DEPDC1B: variants seen among roughly 807,000 people sequenced by gnomAD.
The protein encoded by DEPDC1B is DEP domain containing 1B.
A neutral mutation model predicts 66.5 loss-of-function variants in DEPDC1B; 51 were observed. That is an observed-to-expected ratio of 0.77 (90% CI 0.61 to 0.97). The LOEUF (loss-of-function observed/expected upper bound fraction) is 0.97, where lower values mean the gene tolerates loss of function less well. Among genes scored for constraint, DEPDC1B ranks in the 50% least tolerant of loss-of-function variants. The pLI is 0.00. For synonymous variants in DEPDC1B, 226 were observed against 223.6 expected (o/e 1.01, Z -0.10); for missense variants, 552 against 637.1 (o/e 0.87, Z 1.44).
intron 2 of DEPDC1B, among the ~76,000 whole-genome samples, chr5:60,677,950 T>TA (rs1192543189): frequency 5.3e-5 from 8 of 152,182 alleles, no homozygotes; most frequent in African/African-American, 1.9e-4. Context: ...GTGAGGTATC[T>TA]AAAACGGGTC....
At chr5:60,653,980 CAAT>C (rs1753518508) in intron 2 of DEPDC1B, among the ~76,000 whole-genome samples, 1 of 149,308 alleles carries the variant, frequency 6.7e-6, no homozygotes, top group Non-Finnish European at 1.5e-5. Flanking sequence ...ATTTTCACAG[CAAT>C]ACCATGCTGT....
At chr5:60,677,692 CT>C (rs1754202278) in intron 2 of DEPDC1B, among the ~76,000 whole-genome samples, 1 of 152,054 alleles carries the variant, frequency 6.6e-6, no homozygotes, top group African/African-American at 2.4e-5. Context: ...CATGCCACCA[CT>C]TCACCTAACT....
At chr5:60,667,991 T>TTATATATATATAAAATGGATATTTTA (rs1554054980) in intron 2 of DEPDC1B, among the ~76,000 whole-genome samples, 2 of 93,768 alleles carry the variant, frequency 2.1e-5, no homozygotes, top group African/African-American at 1.1e-4. Context: ...AAAATGGATA[T>TTATATATATATAAAATGGATATTTTA]TATATATATA....
chr5:60,657,836 T>C (rs560974397), intron 2 of DEPDC1B, among the ~76,000 whole-genome samples: 11 of 152,350 alleles, frequency 7.2e-5, no homozygotes, highest in African/African-American at 2.6e-4. Flanking sequence ...GATGTCTAGA[T>C]CTCTGGCAAG....
intron 7 of DEPDC1B, among the ~76,000 whole-genome samples, chr5:60,610,729 C>T (rs2111735446): frequency 6.6e-6 from 1 of 152,290 alleles, no homozygotes; most frequent in South Asian, 2.1e-4. Flanking sequence ...AAGCCTCTGT[C>T]ACAGTTATTA....
At chr5:60,616,299 T>G (rs1463169913) in intron 7 of DEPDC1B, among the ~76,000 whole-genome samples, 1 of 152,078 alleles carries the variant, frequency 6.6e-6, no homozygotes, top group African/African-American at 2.4e-5. Context: ...GGAGAATGAC[T>G]TTGACGAGTT....
chr5:60,656,159 ATTTTTT>A lies in DEPDC1B; in HGVS notation c.315-8632_315-8627del, dbSNP rs59421459. Among the ~76,000 whole-genome samples the A allele has an allele frequency of 5.6e-5, 7 of 125,922 alleles. No individual in the cohort carries two copies. In the South Asian group the frequency reaches 7.1e-4, roughly 13 times the overall value. 82.6% of individuals were successfully genotyped at this position (125,922 alleles called of 152,430 possible). A position where few individuals can be genotyped will look rare whatever the true frequency, so the allele number is the denominator to read the frequency against. The stretch of plus-strand genomic sequence containing the variant: ...TTGTCCTAAGGTATAGTTTAAGTCC[ATTTTTT>A]TTTTTTTTTTTTTGAGACGGAGTCT... On this transcript the variant is annotated intron_variant, in intron 2 of 10. Transcript: ENST00000265036.
chr5:60,676,434 T>A (rs1754162007), intron 2 of DEPDC1B, among the ~76,000 whole-genome samples: 1 of 152,082 alleles, frequency 6.6e-6, no homozygotes, highest in Non-Finnish European at 1.5e-5. Flanking sequence ...GCCTCCTAAG[T>A]AGCTAAGACT....
chr5:60,631,978 C>T (rs948393481), intron 7 of DEPDC1B, among the ~76,000 whole-genome samples: 3 of 152,088 alleles, frequency 2.0e-5, no homozygotes, highest in Non-Finnish European at 4.4e-5. Flanking sequence ...TCCTGGTGTA[C>T]GTAATGTCAA....
At chr5:60,621,270 CTAACT>C (rs1051081968) in intron 7 of DEPDC1B, among the ~76,000 whole-genome samples, 1 of 150,098 alleles carries the variant, frequency 6.7e-6, no homozygotes, top group Non-Finnish European at 1.5e-5. Context: ...CACATGTACA[CTAACT>C]TAAAGTATAA....
chr5:60,597,765 ACT>A lies in DEPDC1B; in HGVS notation c.1576_1577del (p.Ser526PhefsTer45). The A allele has an allele frequency of 6.2e-7, 1 of 1,612,198 alleles. No individual in the cohort carries two copies. Among genetic ancestry groups the A allele is most frequent in the Non-Finnish European group, 8.5e-7 (1 of 1,179,370 alleles). On this transcript the variant is annotated frameshift_variant, in exon 11 of 11. Transcript: ENST00000265036. LOFTEE classifies it high-confidence loss of function. ...KPFQPFQRTR[S>X]FRM Reference sequence around the variant, plus strand: ...TGTGGAAGTATTATTACATTCGAAAACTTCTAGTTCTTTGAAATGGTTGGAAA... The same window carrying A: ...TGTGGAAGTATTATTACATTCGAAAATCTAGTTCTTTGAAATGGTTGGAAA...
At chr5:60,637,094 T>C (rs904677086) in intron 7 of DEPDC1B, among the ~76,000 whole-genome samples, 1 of 152,220 alleles carries the variant, frequency 6.6e-6, no homozygotes, top group East Asian at 1.9e-4. Flanking sequence ...ATCTAAGAAG[T>C]TATTTTTAAT....
At chr5:60,698,816 C>A (rs1754712240) in intron 1 of DEPDC1B, among the ~76,000 whole-genome samples, 1 of 152,128 alleles carries the variant, frequency 6.6e-6, no homozygotes, top group Non-Finnish European at 1.5e-5. Flanking sequence ...TAGGCGCATG[C>A]CACCATGCCC....
At chr5:60,608,254 A>G (rs1208440842) in intron 7 of DEPDC1B, among the ~76,000 whole-genome samples, 1 of 152,108 alleles carries the variant, frequency 6.6e-6, no homozygotes, top group Non-Finnish European at 1.5e-5. Flanking sequence ...TCTTTTTCCA[A>G]ATTAAAAATC....
rs1584109870 is a variant in DEPDC1B, at chr5:60,694,793, A to C, written c.48+5253T>G. On this transcript the variant is annotated intron_variant, in intron 1 of 10. Transcript: ENST00000265036. ...ATTTTGTTCAGCTCAATATCCTCACAACAAAGACCAGTGCCTGACATATAG... is the reference window on the plus strand; with the variant it reads ...ATTTTGTTCAGCTCAATATCCTCACCACAAAGACCAGTGCCTGACATATAG... 3.3e-5 allele frequency among the ~76,000 whole-genome samples: 5 copies of C among 152,206 alleles called. No homozygotes were observed. In the South Asian group the frequency reaches 1.0e-3, roughly 32 times the overall value.
chr5:60,645,664 G>C (rs536521455), intron 3 of DEPDC1B, 45 bp from the exon 4 acceptor site: 2 of 1,547,846 alleles, frequency 1.3e-6, no homozygotes, highest in African/African-American at 1.4e-5. Flanking sequence ...AGAAACGGTA[G>C]AAAGACAGTG....
chr5:60,618,786 G>T (rs540145014), intron 7 of DEPDC1B, among the ~76,000 whole-genome samples: 251 of 152,168 alleles, frequency 1.6e-3, no homozygotes, highest in Non-Finnish European at 3.0e-3. Context: ...TAACTCATTT[G>T]ATGAGGCCAG....
chr5:60,600,370 G>T (rs1197489799), intron 9 of DEPDC1B, among the ~76,000 whole-genome samples: 1 of 152,110 alleles, frequency 6.6e-6, no homozygotes, highest in Non-Finnish European at 1.5e-5. Flanking sequence ...TGAAATAGAA[G>T]GTTGCAGATG....
intron 7 of DEPDC1B, among the ~76,000 whole-genome samples, chr5:60,614,463 C>T (rs1373682131): frequency 1.3e-5 from 2 of 152,174 alleles, no homozygotes; most frequent in Non-Finnish European, 2.9e-5. Context: ...GATGGAACTA[C>T]AAGCATGTGC....
Sources: gnomAD v4.1 joint callset for allele counts (sites outside exome capture counted in the v4.1 genomes callset) on GRCh38, gnomAD v4.1.1 for gene constraint, MANE v1.5 for transcripts, NCBI Gene and HGNC (gene_info 2026-07-23, HGNC 2026-07-21) for gene names.